Variants in ZDHHC3 observed in about 807,000 individuals in gnomAD.
ZDHHC3 encodes the protein palmitoyltransferase ZDHHC3.
ZDHHC3 carries 9 observed loss-of-function variants against 30.6 expected under a neutral mutation model. That is an observed-to-expected ratio of 0.29 (90% confidence interval 0.18 to 0.51). ZDHHC3 has a LOEUF of 0.51. Among genes scored for constraint, ZDHHC3 ranks in the 20% least tolerant of loss-of-function variants. The pLI is 0.97. For synonymous variants in ZDHHC3, 136 were observed against 140.2 expected (o/e 0.97, Z 0.21); for missense variants, 246 against 384.2 (o/e 0.64, Z 3.01).
chr3:44,964,429 C>T (rs1194839071), intron 1 of ZDHHC3, among the ~76,000 whole-genome samples: 1 of 152,070 alleles, frequency 6.6e-6, no homozygotes, highest in Non-Finnish European at 1.5e-5. Flanking sequence ...ATGACCAGGG[C>T]TGTGTGCGTG....
chr3:44,922,689 CA>C lies in ZDHHC3; in HGVS notation c.*3999del. On this transcript the variant is annotated 3_prime_UTR_variant, in exon 7 of 7. Transcript: ENST00000424952. The stretch of plus-strand genomic sequence containing the variant: ...CAACTGGATTCTCAAACTTGATAGT[CA>C]GAATCACCTGGAGGGCTGTTAAGAC... 1.0e-6 allele frequency: 1 copy of C among 985,380 alleles called. No individual in the cohort carries two copies. The highest frequency in any genetic ancestry group is 1.2e-6 in the Non-Finnish European group (1 of 829,906). 61.0% of individuals were successfully genotyped at this position (985,380 alleles called of 1,614,324 possible).
Position 44,918,117 on chromosome 3 carries a change from G to A in ZDHHC3, c.*8572C>T. ...AGCTCCCCATGTGCTCCCTGGGCTG[G>A]TTCTTTCGTTTGAGGCGCTCGATGC... On this transcript the variant is annotated 3_prime_UTR_variant, in exon 7 of 7. Coordinates refer to ENST00000424952, the MANE Select transcript of ZDHHC3 (RefSeq NM_001135179.2). 1.5e-6 allele frequency: 2 copies of A among 1,305,166 alleles called. No individual in the cohort carries two copies. Among genetic ancestry groups the A allele is most frequent in the Non-Finnish European group, 2.0e-6 (2 of 988,772 alleles). 80.8% of individuals were successfully genotyped at this position (1,305,166 alleles called of 1,614,324 possible).
intron 6 of ZDHHC3, 108 bp from the exon 7 acceptor site, chr3:44,926,955 G>T: frequency 7.2e-7 from 1 of 1,389,086 alleles, no homozygotes. Flanking sequence ...CCTTTTTAAA[G>T]CAACAAAGCT....
Position 44,926,156 on chromosome 3 carries a change from G to T in ZDHHC3, c.*533C>A, listed in dbSNP as rs946733598. The T allele has an allele frequency of 2.7e-5, 27 of 985,706 alleles. No homozygotes were observed. Among genetic ancestry groups the T allele is most frequent in the East Asian group, 1.1e-4 (1 of 8,830 alleles). The allele number at this position is 985,706 out of a possible 1,614,324, so 61.1% of individuals were successfully genotyped here. Reference sequence around the variant, plus strand: ...AAACCGTGTCCACTTGGGGGATGAGGTCGCTGTGCCAAGGTCCCTTCTGAT... The same window carrying T: ...AAACCGTGTCCACTTGGGGGATGAGTTCGCTGTGCCAAGGTCCCTTCTGAT... On this transcript the variant is annotated 3_prime_UTR_variant, in exon 7 of 7. Transcript: ENST00000424952.
chr3:44,937,605 G>A (rs1328764239), intron 3 of ZDHHC3: 1 of 145,412 alleles, frequency 6.9e-6, no homozygotes, highest in African/African-American at 2.6e-5. Context: ...TCAGCTCGGA[G>A]GCAGCTAAGG....
Position 44,918,227 on chromosome 3 carries a change from C to T in ZDHHC3, c.*8462G>A. On this transcript the variant is annotated 3_prime_UTR_variant, in exon 7 of 7. Transcript: ENST00000424952. The stretch of plus-strand genomic sequence containing the variant: ...ATAGACACCCCCAGCTATAGCATAG[C>T]AGTGGCGGGGGGGGGGGCGGGGTGT... 2 of 1,039,090 alleles carry T rather than the reference C, an allele frequency of 1.9e-6. No homozygotes were observed. The highest frequency in any genetic ancestry group is 2.4e-6 in the Non-Finnish European group (2 of 839,910). The allele number at this position is 1,039,090 out of a possible 1,614,324, so 64.4% of individuals were successfully genotyped here.
chr3:44,918,038 G>C lies in ZDHHC3; in HGVS notation c.*8651C>G. On this transcript the variant is annotated 3_prime_UTR_variant, in exon 7 of 7. Coordinates refer to ENST00000424952, the MANE Select transcript of ZDHHC3 (RefSeq NM_001135179.2). ...TCTGGCTGACACGGTCTGGAGAAGG[G>C]GTTGAACCAGTTCAGGGAGAAGTCC... The C allele has an allele frequency of 7.7e-7, 1 of 1,305,396 alleles. No individual in the cohort carries two copies. Among genetic ancestry groups the C allele is most frequent in the Non-Finnish European group, 1.0e-6 (1 of 988,958 alleles). 80.9% of individuals were successfully genotyped at this position (1,305,396 alleles called of 1,614,324 possible). A position where few individuals can be genotyped will look rare whatever the true frequency, so the allele number is the denominator to read the frequency against.
rs577448629 is a variant in ZDHHC3 at position 44,973,852 on chromosome 3, A to G, written c.-25+2081T>C. On this transcript the variant is annotated intron_variant, in intron 1 of 6. Coordinates refer to ENST00000424952, the MANE Select transcript of ZDHHC3 (RefSeq NM_001135179.2). ...AAATTAGAGTATAAGGTTTTAGAAT[A>G]CACAAACCTACAGAATAGTATGCCC... 2.0e-5 allele frequency among the ~76,000 whole-genome samples: 3 copies of G among 152,370 alleles called. No homozygotes were observed. In the South Asian group the frequency reaches 6.2e-4, roughly 32 times the overall value.
rs2125774031 is a variant in ZDHHC3 at position 44,918,398 on chromosome 3, T to G, written c.*8291A>C. 1 of 985,188 alleles carries G rather than the reference T, an allele frequency of 1.0e-6. No homozygotes were observed. The highest frequency in any genetic ancestry group is 1.1e-4 in the East Asian group (1 of 8,790). 61.0% of individuals were successfully genotyped at this position (985,188 alleles called of 1,614,324 possible). A position where few individuals can be genotyped will look rare whatever the true frequency, so the allele number is the denominator to read the frequency against. On this transcript the variant is annotated 3_prime_UTR_variant, in exon 7 of 7. Coordinates refer to ENST00000424952, the MANE Select transcript of ZDHHC3 (RefSeq NM_001135179.2). ...GCAGGGCCCGCCTGGTGGACTGACG[T>G]GTTCTCCACCCACCACCCAGCCCTC... is the stretch of plus-strand genomic sequence containing the variant.
At chr3:44,948,859 T>C (rs544952180) in intron 2 of ZDHHC3, among the ~76,000 whole-genome samples, 1 of 152,372 alleles carries the variant, frequency 6.6e-6, no homozygotes, top group East Asian at 1.9e-4. Context: ...TATTCACTCC[T>C]GAGATGGGCA....
intron 2 of ZDHHC3, 87 bp from the exon 3 acceptor site, chr3:44,945,379 G>GCAA: frequency 6.4e-7 from 1 of 1,559,948 alleles, no homozygotes; most frequent in East Asian, 2.2e-5. Context: ...TTTGAAAGCA[G>GCAA]CAACCACACA....
chr3:44,950,006 C>T (rs9815789), intron 2 of ZDHHC3, among the ~76,000 whole-genome samples: 3,671 of 152,100 alleles, frequency 0.024, 157 homozygotes, highest in African/African-American at 0.081. Context: ...CAGCTAATTA[C>T]AAAAATTTTT....
intron 5 of ZDHHC3, 35 bp downstream of exon 5, chr3:44,933,083 C>A: frequency 6.2e-7 from 1 of 1,613,564 alleles, no homozygotes; most frequent in East Asian, 2.2e-5. Context: ...CACACCCACC[C>A]TGGAGCAGGG....
chr3:44,958,520 G>A lies in ZDHHC3; in HGVS notation c.306+611C>T, dbSNP rs575066197. 1.5e-5 allele frequency: 21 copies of A among 1,358,814 alleles called. No individual in the cohort carries two copies. In the African/African-American group the frequency reaches 1.9e-4, roughly 12 times the overall value. 84.2% of individuals were successfully genotyped at this position (1,358,814 alleles called of 1,614,324 possible). ...GGGTGCACAAACATTCAATAGCCAC[G>A]TGCGCAGCTTGGCATATTTAGCTAA... On this transcript the variant is annotated intron_variant, in intron 2 of 6. Transcript: ENST00000424952.
intron 2 of ZDHHC3, among the ~76,000 whole-genome samples, chr3:44,945,749 G>A (rs1702872720): frequency 6.6e-6 from 1 of 151,884 alleles, no homozygotes; most frequent in South Asian, 2.1e-4. Flanking sequence ...AGTAGAGATG[G>A]GGTTTCACCA....
At chr3:44,962,603 T>C (rs538553286) in intron 1 of ZDHHC3, among the ~76,000 whole-genome samples, 3 of 152,234 alleles carry the variant, frequency 2.0e-5, no homozygotes, top group African/African-American at 7.2e-5. Context: ...CCATTTCTTC[T>C]GGAATGATTT....
chr3:44,945,473 C>T lies in ZDHHC3; in HGVS notation c.307-181G>A, dbSNP rs1702837272. On this transcript the variant is annotated intron_variant, in intron 2 of 6. Transcript: ENST00000424952. ...GCCAACATTAAGGAATATTTATTGA[C>T]CAAAAATTTTTCTGAGGAGATGCCA... The T allele has an allele frequency of 3.4e-6, 3 of 878,646 alleles. No individual in the cohort carries two copies. The South Asian group carries it at 5.6e-5, about 16-fold the overall frequency. The allele number at this position is 878,646 out of a possible 1,614,324, so 54.4% of individuals were successfully genotyped here. A position where few individuals can be genotyped will look rare whatever the true frequency, so the allele number is the denominator to read the frequency against.
rs1490454217 is a variant in ZDHHC3, at chr3:44,919,545, G to C, written c.*7144C>G. Reference sequence around the variant, plus strand: ...AATTTCACCTCGATTTTTAAAAAGGGTCAAGGTCATGAAAGACAAAGGAAG... The same window carrying C: ...AATTTCACCTCGATTTTTAAAAAGGCTCAAGGTCATGAAAGACAAAGGAAG... On this transcript the variant is annotated 3_prime_UTR_variant, in exon 7 of 7. Transcript: ENST00000424952. Among the ~76,000 whole-genome samples the C allele has an allele frequency of 6.6e-6, 1 of 152,212 alleles. No homozygotes were observed. Among genetic ancestry groups the C allele is most frequent in the East Asian group, 1.9e-4 (1 of 5,202 alleles).
At position 44,945,051 on chromosome 3, in the gene ZDHHC3, G is replaced by A. The variant is rs113516029; in HGVS notation, c.431+117C>T. 3,962 of 1,451,140 alleles carry A rather than the reference G, an allele frequency of 2.7e-3. 58 individuals are homozygous for A. In the African/African-American group the frequency reaches 0.041, roughly 15 times the overall value. The allele number at this position is 1,451,140 out of a possible 1,614,324, so 89.9% of individuals were successfully genotyped here. On this transcript the variant is annotated intron_variant, in intron 3 of 6. Transcript: ENST00000424952. ...CAGAGCAGGGGACATTTGGAATCCCGATGCTGACTTGGCCCCTGTTGGGGA... is the reference window on the plus strand; with the variant it reads ...CAGAGCAGGGGACATTTGGAATCCCAATGCTGACTTGGCCCCTGTTGGGGA...
Sources: allele counts gnomAD v4.1 joint callset (sites outside exome capture counted in the v4.1 genomes callset), GRCh38; gene constraint gnomAD v4.1.1; transcripts MANE v1.5; gene names NCBI Gene and HGNC (gene_info 2026-07-23, HGNC 2026-07-21).